Variants in PTH1R observed in about 807,000 individuals in gnomAD.
PTH1R encodes the protein parathyroid hormone 1 receptor, also known as parathyroid hormone/parathyroid hormone-related peptide receptor.
In PTH1R, 32 loss-of-function variants were observed where a neutral mutation model predicts 70.7. The observed-to-expected ratio is 0.45, with a 90% CI of 0.34 to 0.61. PTH1R has a LOEUF of 0.61. Among genes scored for constraint, PTH1R ranks in the 20% least tolerant of loss-of-function variants. PTH1R has a pLI of 0.01. For synonymous variants in PTH1R, 329 were observed against 324.8 expected, an observed-to-expected ratio of 1.01 and a Z score of -0.14; for missense variants, 626 against 792.5, an observed-to-expected ratio of 0.79 and a Z score of 2.52.
At chr3:46,898,880 G>A in intron 9 of PTH1R, 23 bp downstream of exon 9, 2 of 1,474,794 alleles carry the variant, frequency 1.4e-6, no homozygotes, top group Non-Finnish European at 1.8e-6. Flanking sequence ...CTGCCCGCCC[G>A]CTCCCGGTGC....
Position 46,903,210 on chromosome 3 carries a change from G to A in PTH1R, c.1396-60G>A, listed in dbSNP as rs2032233103. On this transcript the variant is annotated intron_variant, in intron 15 of 15. Transcript: ENST00000449590. The surrounding 1 kb of genome is among the most constrained non-coding windows in gnomAD (Gnocchi z 4.4). ...TTCCGTGCTGGGTGTCCAGGGGCCG[G>A]GATGGGGCATCGCTGGGGTTGGGAG... is the stretch of plus-strand genomic sequence containing the variant. 3 of 1,603,612 alleles carry A rather than the reference G, an allele frequency of 1.9e-6. No homozygotes were observed. The Admixed American group carries it at 5.1e-5, about 27-fold the overall frequency.
Position 46,903,773 on chromosome 3 carries a change from G to GAA in PTH1R, c.*126_*127dup, listed in dbSNP as rs142021243. On this transcript the variant is annotated 3_prime_UTR_variant, in exon 16 of 16. Coordinates refer to ENST00000449590, the MANE Select transcript of PTH1R (RefSeq NM_000316.3). This position sits in a 1 kb window ranked among gnomAD's most constrained non-coding sequence, Gnocchi z 4.4. ...CCAAGAGGAAAAACAGGGAAAAAAAGAAAAAAAAAAGAAAAAGGAAAAGGA... is the reference window on the plus strand; with the variant it reads ...CCAAGAGGAAAAACAGGGAAAAAAAGAAAAAAAAAAAAGAAAAAGGAAAAGGA... 3.6e-3 allele frequency: 4,862 copies of GAA among 1,344,458 alleles called. No homozygotes were observed. Among genetic ancestry groups the GAA allele is most frequent in the Non-Finnish European group, 4.3e-3 (4,252 of 998,802 alleles). 83.3% of individuals were successfully genotyped at this position (1,344,458 alleles called of 1,614,324 possible).
intron 4 of PTH1R, 121 bp downstream of exon 4, chr3:46,894,130 G>A: frequency 2.9e-6 from 3 of 1,028,472 alleles, no homozygotes; most frequent in East Asian, 5.1e-5. Context: ...TAGGTAAAGG[G>A]GGCCAGGCCA....
chr3:46,894,366 T>G (rs1246170976), intron 4 of PTH1R, among the ~76,000 whole-genome samples: 1 of 152,036 alleles, frequency 6.6e-6, no homozygotes, highest in African/African-American at 2.4e-5. Flanking sequence ...CTGCAGGGGT[T>G]GAGGCTGGTG....
At chr3:46,890,813 A>G (rs970209997) in intron 3 of PTH1R, among the ~76,000 whole-genome samples, 3 of 152,108 alleles carry the variant, frequency 2.0e-5, no homozygotes, top group Admixed American at 6.5e-5. Flanking sequence ...CAACAGCCCT[A>G]TTATTACCCT....
chr3:46,901,186 GC>G lies in PTH1R; in HGVS notation c.1049+104del. Reference sequence around the variant, plus strand: ...GCCTCCTGTACCCTGGCCTCAAACGGCCCAGCCTCAGGAGTTCTCAGTCCAG... The same window carrying G: ...GCCTCCTGTACCCTGGCCTCAAACGGCCAGCCTCAGGAGTTCTCAGTCCAG... On this transcript the variant is annotated intron_variant, in intron 11 of 15. Coordinates refer to ENST00000449590, the MANE Select transcript of PTH1R (RefSeq NM_000316.3). The surrounding 1 kb of genome is among the most constrained non-coding windows in gnomAD (Gnocchi z 7.3). 1 of 1,435,466 alleles carries G rather than the reference GC, an allele frequency of 7.0e-7. No individual in the cohort carries two copies. The highest frequency in any genetic ancestry group is 9.6e-7 in the Non-Finnish European group (1 of 1,044,400). The allele number at this position is 1,435,466 out of a possible 1,614,324, so 88.9% of individuals were successfully genotyped here.
chr3:46,894,933 G>A (rs4682846), intron 4 of PTH1R, among the ~76,000 whole-genome samples: 18,660 of 151,788 alleles, frequency 0.12, 3,912 homozygotes, highest in African/African-American at 0.43. Context: ...GTATGGTGGT[G>A]CACACCTGTA....
At chr3:46,899,849 C>T (rs2032008436) in intron 10 of PTH1R, among the ~76,000 whole-genome samples, 1 of 152,208 alleles carries the variant, frequency 6.6e-6, no homozygotes, top group Admixed American at 6.5e-5. Context: ...CCCCACCAGT[C>T]CCCTTGCTGG....
chr3:46,894,755 T>C (rs145403572), intron 4 of PTH1R, among the ~76,000 whole-genome samples: 1 of 152,068 alleles, frequency 6.6e-6, no homozygotes, highest in African/African-American at 2.4e-5. Context: ...CTTCCCATCA[T>C]TGCCACAGAC....
At chr3:46,889,268 C>T (rs144441317) in intron 3 of PTH1R, among the ~76,000 whole-genome samples, 4 of 152,352 alleles carry the variant, frequency 2.6e-5, no homozygotes, top group Non-Finnish European at 5.9e-5. Context: ...GGGGACAAGC[C>T]GCCATCACTG....
intron 9 of PTH1R, 148 bp from the exon 10 acceptor site, chr3:46,899,155 C>T: frequency 9.4e-7 from 1 of 1,067,264 alleles, no homozygotes; most frequent in Admixed American, 2.0e-5. Context: ...CCGCATCCCC[C>T]TGAGAGAGCC....
In PTH1R at chr3:46,901,639, G is replaced by T; in HGVS notation, c.1117-127G>T. On this transcript the variant is annotated intron_variant, in intron 12 of 15. Transcript: ENST00000449590. The surrounding 1 kb of genome is among the most constrained non-coding windows in gnomAD (Gnocchi z 7.3). ...CTGATCCACACTCCAGCCCAGAAAG[G>T]AAAACCAAGGGCTCAAGGAGCCACC... 7.3e-7 allele frequency: 1 copy of T among 1,373,598 alleles called. No homozygotes were observed. Among genetic ancestry groups the T allele is most frequent in the Non-Finnish European group, 1.0e-6 (1 of 980,512 alleles). 85.1% of individuals were successfully genotyped at this position (1,373,598 alleles called of 1,614,324 possible).
Position 46,902,764 on chromosome 3 carries a change from A to G in PTH1R, c.1369A>G (p.Ile457Val), listed in dbSNP as rs2032206359. 6.2e-7 allele frequency: 1 copy of G among 1,613,620 alleles called. No individual in the cohort carries two copies. Among genetic ancestry groups the G allele is most frequent in the South Asian group, 1.1e-5 (1 of 91,076 alleles). The stretch of plus-strand genomic sequence containing the variant: ...CTCTTCACAGGGATTTTTTGTCGCA[A>G]TCATATACTGTTTCTGCAATGGCGA... Reference protein sequence around the residue: ...FNSFQGFFVAIIYCFCNGEVQ... With the variant: ...FNSFQGFFVAVIYCFCNGEVQ... Residue 457 changes from isoleucine (I) to valine (V), a missense_variant, in exon 15 of 16, where the codon ATC (isoleucine) becomes GTC (valine). Ile to Val is a conservative substitution (Grantham distance 29, BLOSUM62 3). Around this residue, in one of 3 missense-constraint regions of PTH1R, gnomAD observed 495 missense variants for 638.7 expected, o/e 0.77. Coordinates refer to ENST00000449590, the MANE Select transcript of PTH1R (RefSeq NM_000316.3). The surrounding 1 kb of genome is among the most constrained non-coding windows in gnomAD (Gnocchi z 5.4).
chr3:46,902,551 C>A lies in PTH1R; in HGVS notation c.1237C>A (p.Leu413Ile). 1 of 1,612,726 alleles carries A rather than the reference C, an allele frequency of 6.2e-7. No individual in the cohort carries two copies. Among genetic ancestry groups the A allele is most frequent in the Non-Finnish European group, 8.5e-7 (1 of 1,179,832 alleles). ...GAAGCTGCTCAAATCCACGCTGGTG[C>A]TCATGCCCCTCTTTGGCGTCCACTA... ...YRKLLKSTLVLMPLFGVHYIV... is the reference protein window; with the variant it reads ...YRKLLKSTLVIMPLFGVHYIV... Residue 413 changes from leucine to isoleucine, a missense_variant, in exon 14 of 16, where the codon CTC (leucine) becomes ATC (isoleucine). By Grantham distance (5) the Leu-to-Ile change is conservative. Around this residue, in one of 3 missense-constraint regions of PTH1R, gnomAD observed 495 missense variants for 638.7 expected, o/e 0.77. Transcript: ENST00000449590. This position sits in a 1 kb window ranked among gnomAD's most constrained non-coding sequence, Gnocchi z 5.4.
At position 46,882,681 on chromosome 3, in the gene PTH1R, A is replaced by G. The variant is rs1328394473; in HGVS notation, c.-48-831A>G. Among the ~76,000 whole-genome samples, 2 of 150,932 alleles carry G rather than the reference A, an allele frequency of 1.3e-5. No homozygotes were observed. Among genetic ancestry groups the G allele is most frequent in the Non-Finnish European group, 1.5e-5 (1 of 67,742 alleles). ...GTAGAGAGAAAAGGGGGAGGGAGGG[A>G]GCGAGGGAGTGACCGAAACGGAGCT... On this transcript the variant is annotated intron_variant, in intron 2 of 15. Coordinates refer to ENST00000449590, the MANE Select transcript of PTH1R (RefSeq NM_000316.3). The surrounding 1 kb of genome is among the most constrained non-coding windows in gnomAD (Gnocchi z 4.3).
In PTH1R at chr3:46,896,616, G is replaced by A. The variant is rs571569731; in HGVS notation, c.313+747G>A. Reference sequence around the variant, plus strand: ...GGCTGGGTGGGGCTGGGAATATGGCGCCCAGGACAGAGAGCCTTTCACCAA... The same window carrying A: ...GGCTGGGTGGGGCTGGGAATATGGCACCCAGGACAGAGAGCCTTTCACCAA... On this transcript the variant is annotated intron_variant, in intron 5 of 15. Coordinates refer to ENST00000449590, the MANE Select transcript of PTH1R (RefSeq NM_000316.3). This position sits in a 1 kb window ranked among gnomAD's most constrained non-coding sequence, Gnocchi z 4.1. Among the ~76,000 whole-genome samples the A allele has an allele frequency of 3.5e-4, 53 of 152,308 alleles. No homozygotes were observed. Among genetic ancestry groups the A allele is most frequent in the Non-Finnish European group, 4.6e-4 (31 of 68,022 alleles).
rs2106952081 is a variant in PTH1R, at chr3:46,882,795, C to T, written c.-48-717C>T. Among the ~76,000 whole-genome samples the T allele has an allele frequency of 1.3e-5, 2 of 152,054 alleles. No homozygotes were observed. Among genetic ancestry groups the T allele is most frequent in the East Asian group, 3.9e-4 (2 of 5,104 alleles). On this transcript the variant is annotated intron_variant, in intron 2 of 15. Transcript: ENST00000449590. The surrounding 1 kb of genome is among the most constrained non-coding windows in gnomAD (Gnocchi z 4.3). ...GACCGACAGAGCGTCGGGGCCGCTG[C>T]GCGCCCGAGCCGCACAGGCGCAAGC...
At position 46,891,909 on chromosome 3, in the gene PTH1R, A is replaced by G. The variant is rs1295845353; in HGVS notation, c.76-1998A>G. ...GTTATTGATGGAGGTACTAGCAGCA[A>G]CGATGGAAATGGTAGTTAATGGGTG... On this transcript the variant is annotated intron_variant, in intron 3 of 15. Transcript: ENST00000449590. This position sits in a 1 kb window ranked among gnomAD's most constrained non-coding sequence, Gnocchi z 4.3. Among the ~76,000 whole-genome samples the G allele has an allele frequency of 1.3e-5, 2 of 152,104 alleles. No individual in the cohort carries two copies. The highest frequency in any genetic ancestry group is 4.8e-5 in the African/African-American group (2 of 41,390).
chr3:46,887,583 C>T lies in PTH1R; in HGVS notation c.75+3949C>T, dbSNP rs138618353. Among the ~76,000 whole-genome samples the T allele has an allele frequency of 1.6e-4, 25 of 152,122 alleles. 1 individual carries two copies. The highest frequency in any genetic ancestry group is 4.1e-4 in the South Asian group (2 of 4,820). On this transcript the variant is annotated intron_variant, in intron 3 of 15. Transcript: ENST00000449590. The stretch of plus-strand genomic sequence containing the variant: ...ATTTTTAGCAGTTTGGGTAGAGGGG[C>T]GTTCTCCTTCCTCTTTCTGTGTGTT...
Sources: gnomAD v4.1 joint callset for allele counts (sites outside exome capture counted in the v4.1 genomes callset) on GRCh38, gnomAD v4.1.1 for gene constraint, gnomAD v4.1.1 regional missense constraint, Gnocchi (gnomAD v3.1) non-coding constraint, MANE v1.5 for transcripts, NCBI Gene and HGNC (gene_info 2026-07-23, HGNC 2026-07-21) for gene names.